Variants in TNFRSF1B observed in about 807,000 individuals in gnomAD.
TNFRSF1B encodes the protein TNF receptor superfamily member 1B.
TNFRSF1B carries 19 observed loss-of-function variants against 44.6 expected under a neutral mutation model. The observed-to-expected ratio is 0.43, with a 90% CI of 0.30 to 0.62. The LOEUF is 0.62. TNFRSF1B is among the 20% of genes least tolerant of loss of function. The pLI, the probability that TNFRSF1B is intolerant of heterozygous loss-of-function variation, is 0.16. For missense variants in TNFRSF1B, 541 were observed against 619.9 expected, an observed-to-expected ratio of 0.87 and a Z score of 1.35; for synonymous variants, 252 against 261.1, an observed-to-expected ratio of 0.97 and a Z score of 0.34.
intron 1 of TNFRSF1B, among the ~76,000 whole-genome samples, chr1:12,172,358 C>T (rs779089884): frequency 6.6e-6 from 1 of 152,238 alleles, no homozygotes; most frequent in South Asian, 2.1e-4. Context: ...TTCTATCCCT[C>T]GGAGCCTCTG....
chr1:12,167,456 CG>C, intron 1 of TNFRSF1B: 1 of 433,038 alleles, frequency 2.3e-6, no homozygotes, highest in Admixed American at 4.5e-5. Context: ...GAGCGCAGGC[CG>C]GGGCATTTGG....
Position 12,186,180 on chromosome 1 carries a change from G to C in TNFRSF1B, c.79-2616G>C, listed in dbSNP as rs571168128. On this transcript the variant is annotated intron_variant, in intron 1 of 9. Transcript: ENST00000376259. The surrounding 1 kb of genome is among the most constrained non-coding windows in gnomAD (Gnocchi z 4.8). ...GGATTCCAGCTGTTGGCACCGAGGG[G>C]TGCAGCCAGGGCAGGGTGGTGCTGC... Among the ~76,000 whole-genome samples, 4 of 152,318 alleles carry C rather than the reference G, an allele frequency of 2.6e-5. No individual in the cohort carries two copies. Among genetic ancestry groups the C allele is most frequent in the Admixed American group, 6.5e-5 (1 of 15,310 alleles).
intron 1 of TNFRSF1B, 23 bp from the exon 2 acceptor site, chr1:12,188,773 C>A (rs1639042698): frequency 6.2e-7 from 1 of 1,609,152 alleles, no homozygotes; most frequent in Non-Finnish European, 8.5e-7. Flanking sequence ...CTGTTGATGG[C>A]AGTCTTCCCT....
At position 12,188,812 on chromosome 1, in the gene TNFRSF1B, A is replaced by T; in HGVS notation, c.95A>T (p.Tyr32Phe). ...ALPAQVAFTPYAPEPGSTCRL... is the reference protein window; with the variant it reads ...ALPAQVAFTPFAPEPGSTCRL... ...TCCTTCCAGGTGGCATTTACACCCT[A>T]CGCCCCGGAGCCCGGGAGCACATGC... Residue 32 changes from tyrosine to phenylalanine, a missense_variant, in exon 2 of 10, where the codon TAC becomes TTC. Transcript: ENST00000376259. 5 of 1,613,796 alleles carry T rather than the reference A, an allele frequency of 3.1e-6. No individual in the cohort carries two copies. Among genetic ancestry groups the T allele is most frequent in the Non-Finnish European group, 4.2e-6 (5 of 1,179,830 alleles).
chr1:12,202,397 A>C (rs1334698683), intron 9 of TNFRSF1B, among the ~76,000 whole-genome samples: 3 of 152,220 alleles, frequency 2.0e-5, no homozygotes, highest in African/African-American at 7.2e-5. Flanking sequence ...AGCTTGTCCA[A>C]GTCCCTGGTA....
chr1:12,195,950 C>G (rs1639256909), intron 8 of TNFRSF1B, among the ~76,000 whole-genome samples: 1 of 152,020 alleles, frequency 6.6e-6, no homozygotes, highest in Non-Finnish European at 1.5e-5. Context: ...CAAGACCAGC[C>G]TGGGAAACAC....
chr1:12,184,492 G>A (rs1427028084), intron 1 of TNFRSF1B, among the ~76,000 whole-genome samples: 1 of 152,150 alleles, frequency 6.6e-6, no homozygotes, highest in African/African-American at 2.4e-5. Flanking sequence ...GGGGGCTGGA[G>A]CCACACAGAG....
At position 12,187,782 on chromosome 1, in the gene TNFRSF1B, G is replaced by A. The variant is rs1639018858; in HGVS notation, c.79-1014G>A. On this transcript the variant is annotated intron_variant, in intron 1 of 9. Coordinates refer to ENST00000376259, the MANE Select transcript of TNFRSF1B (RefSeq NM_001066.3). This position sits in a 1 kb window ranked among gnomAD's most constrained non-coding sequence, Gnocchi z 5.5. ...AGTGATTTGCTAGGGAGGGCTCCCAGGAGAAGCAGGCAGGGCAGGTCAGGG... is the reference window on the plus strand; with the variant it reads ...AGTGATTTGCTAGGGAGGGCTCCCAAGAGAAGCAGGCAGGGCAGGTCAGGG... Among the ~76,000 whole-genome samples, 1 of 152,190 alleles carries A rather than the reference G, an allele frequency of 6.6e-6. No individual in the cohort carries two copies. The highest frequency in any genetic ancestry group is 2.4e-5 in the African/African-American group (1 of 41,448).
rs1638400216 is a variant in TNFRSF1B at position 12,167,074 on chromosome 1, C to T, written c.-18C>T. 1 of 1,299,176 alleles carries T rather than the reference C, an allele frequency of 7.7e-7. No individual in the cohort carries two copies. The highest frequency in any genetic ancestry group is 9.8e-7 in the Non-Finnish European group (1 of 1,023,266). 80.5% of individuals were successfully genotyped at this position (1,299,176 alleles called of 1,614,324 possible). On this transcript the variant is annotated 5_prime_UTR_variant, in exon 1 of 10. Transcript: ENST00000376259. ...CGAGGGCGCGAGGGCAGGGGGCAACCGGACCCCGCCCGCACCCATGGCGCC... is the reference window on the plus strand; with the variant it reads ...CGAGGGCGCGAGGGCAGGGGGCAACTGGACCCCGCCCGCACCCATGGCGCC...
chr1:12,208,983 G>C lies in TNFRSF1B; in HGVS notation c.*1963G>C, dbSNP rs1639571917. The stretch of plus-strand genomic sequence containing the variant: ...AAAGTCAGACTGCTGGGACTGGCCA[G>C]GTTTCTGCCCACATTGGACCCACAT... On this transcript the variant is annotated 3_prime_UTR_variant, in exon 10 of 10. Coordinates refer to ENST00000376259, the MANE Select transcript of TNFRSF1B (RefSeq NM_001066.3). 1 of 152,314 alleles carries C rather than the reference G, an allele frequency of 6.6e-6. No homozygotes were observed. The highest frequency in any genetic ancestry group is 2.4e-5 in the African/African-American group (1 of 41,436). 9.4% of individuals were successfully genotyped at this position (152,314 alleles called of 1,614,324 possible).
chr1:12,188,480 G>A (rs1306029426), intron 1 of TNFRSF1B, among the ~76,000 whole-genome samples: 3 of 152,170 alleles, frequency 2.0e-5, no homozygotes, highest in African/African-American at 7.2e-5. Context: ...CGTTCTCTGT[G>A]ACCAAGGCCA....
chr1:12,203,099 T>C (rs1639427420), intron 9 of TNFRSF1B, among the ~76,000 whole-genome samples: 1 of 152,220 alleles, frequency 6.6e-6, no homozygotes, highest in Non-Finnish European at 1.5e-5. Context: ...CCTGTGCCTC[T>C]CTCCCTCTTA....
rs5030792 is a variant in TNFRSF1B, at chr1:12,207,213, T to G, written c.*193T>G. 21,320 of 518,788 alleles carry G rather than the reference T, an allele frequency of 0.041. 548 individuals are homozygous for G. Among genetic ancestry groups the G allele is most frequent in the Middle Eastern group, 0.054 (109 of 2,006 alleles). The allele number at this position is 518,788 out of a possible 1,614,324, so 32.1% of individuals were successfully genotyped here. A position where few individuals can be genotyped will look rare whatever the true frequency, so the allele number is the denominator to read the frequency against. The stretch of plus-strand genomic sequence containing the variant: ...GGCCAAGAGCAGAGGCAGCGAGTTG[T>G]GGAAAGCCTCTGCTGCCATGGCGTG... On this transcript the variant is annotated 3_prime_UTR_variant, in exon 10 of 10. Coordinates refer to ENST00000376259, the MANE Select transcript of TNFRSF1B (RefSeq NM_001066.3).
intron 1 of TNFRSF1B, among the ~76,000 whole-genome samples, chr1:12,181,196 C>T (rs187094621): frequency 6.6e-6 from 1 of 152,306 alleles, no homozygotes; most frequent in African/African-American, 2.4e-5. Context: ...AAGGCCCACA[C>T]GGGCCATCTA....
chr1:12,199,173 C>T lies in TNFRSF1B; in HGVS notation c.901-2794C>T, dbSNP rs978957845. Reference sequence around the variant, plus strand: ...GGTTTTTGTTCTGCCTGGCTGTAGCCACCAGCAGAGGGGGTGGGGCACAGG... The same window carrying T: ...GGTTTTTGTTCTGCCTGGCTGTAGCTACCAGCAGAGGGGGTGGGGCACAGG... On this transcript the variant is annotated intron_variant, in intron 8 of 9. Transcript: ENST00000376259. The surrounding 1 kb of genome is among the most constrained non-coding windows in gnomAD (Gnocchi z 4.0). Among the ~76,000 whole-genome samples the T allele has an allele frequency of 6.6e-6, 1 of 152,174 alleles. No individual in the cohort carries two copies. Among genetic ancestry groups the T allele is most frequent in the African/African-American group, 2.4e-5 (1 of 41,440 alleles).
At chr1:12,191,966 C>G in intron 4 of TNFRSF1B, 43 bp downstream of exon 4, 1 of 1,589,640 alleles carries the variant, frequency 6.3e-7, no homozygotes, top group Non-Finnish European at 8.6e-7. Context: ...CCATGGGCCT[C>G]TCCTTTGTAG....
intron 1 of TNFRSF1B, among the ~76,000 whole-genome samples, chr1:12,170,046 C>T (rs1027497478): frequency 9.9e-5 from 15 of 152,220 alleles, no homozygotes; most frequent in Non-Finnish European, 1.9e-4. Flanking sequence ...CCTTCCACCA[C>T]GTCTCTGTCT....
Position 12,178,134 on chromosome 1 carries a change from C to T in TNFRSF1B, c.79-10662C>T, listed in dbSNP as rs941987731. Among the ~76,000 whole-genome samples the T allele has an allele frequency of 2.6e-5, 4 of 152,224 alleles. No homozygotes were observed. Among genetic ancestry groups the T allele is most frequent in the Admixed American group, 6.5e-5 (1 of 15,284 alleles). ...TGCACTCAGTCTGCTGCTCTGAGGA[C>T]GCCGCCCCCTCTCTTTGTAAGTCCA... On this transcript the variant is annotated intron_variant, in intron 1 of 9. Transcript: ENST00000376259. The surrounding 1 kb of genome is among the most constrained non-coding windows in gnomAD (Gnocchi z 4.3).
Position 12,187,071 on chromosome 1 carries a change from C to T in TNFRSF1B, c.79-1725C>T, listed in dbSNP as rs5745994. Among the ~76,000 whole-genome samples, 3,368 of 152,100 alleles carry T rather than the reference C, an allele frequency of 0.022. 46 individuals are homozygous for T. Among genetic ancestry groups the T allele is most frequent in the Non-Finnish European group, 0.035 (2,371 of 67,976 alleles). On this transcript the variant is annotated intron_variant, in intron 1 of 9. Transcript: ENST00000376259. The surrounding 1 kb of genome is among the most constrained non-coding windows in gnomAD (Gnocchi z 5.5). The stretch of plus-strand genomic sequence containing the variant: ...CACTCCTGGAGGGTCACTCAGAGAC[C>T]CGAGAGAGGAGGGCTCTGCGTCTGC...
Sources: gnomAD v4.1 joint callset for allele counts (sites outside exome capture counted in the v4.1 genomes callset) on GRCh38, gnomAD v4.1.1 for gene constraint, Gnocchi (gnomAD v3.1) non-coding constraint, MANE v1.5 for transcripts, NCBI Gene and HGNC (gene_info 2026-07-23, HGNC 2026-07-21) for gene names.